Variants in PAPPA observed in about 807,000 individuals in gnomAD.
PAPPA encodes the protein pappalysin 1, also known as pappalysin-1.
A neutral mutation model predicts 164.0 loss-of-function variants in PAPPA; 60 were observed. The ratio of observed to expected loss-of-function variants is 0.37; its 90% CI spans 0.30 to 0.45. The LOEUF (loss-of-function observed/expected upper bound fraction) is 0.45, where lower values mean the gene tolerates loss of function less well. PAPPA is among the 20% of genes least tolerant of loss of function. The probability of loss-of-function intolerance (pLI) is 1.00; values close to 1 mark genes in which losing one functional copy is unlikely to be tolerated. For missense variants in PAPPA, 1,782 were observed against 2,087.3 expected, an observed-to-expected ratio of 0.85 and a Z score of 2.85; for synonymous variants, 875 against 814.1, an observed-to-expected ratio of 1.07 and a Z score of -1.27.
chr9:116,360,355 G>A (rs1344407798), intron 17 of PAPPA, among the ~76,000 whole-genome samples: 1 of 152,194 alleles, frequency 6.6e-6, no homozygotes, highest in Non-Finnish European at 1.5e-5. Context: ...TCTGCAAGCC[G>A]CCTTGCAGCT....
chr9:116,393,206 C>G (rs1846917387), intron 21 of PAPPA, among the ~76,000 whole-genome samples: 1 of 152,180 alleles, frequency 6.6e-6, no homozygotes, highest in South Asian at 2.1e-4. Context: ...TGAAGAAATT[C>G]TATGTTTCAA....
At chr9:116,240,589 T>A (rs552864618) in intron 7 of PAPPA, among the ~76,000 whole-genome samples, 6 of 152,306 alleles carry the variant, frequency 3.9e-5, no homozygotes, top group Admixed American at 3.9e-4. Context: ...TGTAGTAAGC[T>A]TGTACTATGT....
chr9:116,223,900 C>A (rs936196118), intron 5 of PAPPA, among the ~76,000 whole-genome samples: 31 of 152,196 alleles, frequency 2.0e-4, no homozygotes, highest in African/African-American at 6.8e-4. Flanking sequence ...GCTCATCCTG[C>A]CCACGTCACC....
At chr9:116,159,417 C>A (rs1843639329) in intron 1 of PAPPA, among the ~76,000 whole-genome samples, 1 of 152,124 alleles carries the variant, frequency 6.6e-6, no homozygotes, top group Non-Finnish European at 1.5e-5. Flanking sequence ...GCTGGGGAGT[C>A]TCTCTAGAGT....
intron 5 of PAPPA, among the ~76,000 whole-genome samples, chr9:116,221,909 CCA>C (rs983900137): frequency 2.0e-5 from 3 of 152,086 alleles, no homozygotes; most frequent in Admixed American, 2.0e-4. Flanking sequence ...CAAATTAAAA[CCA>C]CAAGAAGGTG....
rs117854617 is a variant in PAPPA, at chr9:116,225,975, C to T, written c.2112-1456C>T. On this transcript the variant is annotated intron_variant, in intron 5 of 21. Transcript: ENST00000328252. ...AGATATTGACTTTGTCCTCAAGGAC[C>T]TCACAATCTATTAGGATAAACTCTC... Among the ~76,000 whole-genome samples, 142 of 151,750 alleles carry T rather than the reference C, an allele frequency of 9.4e-4. 1 individual carries two copies. Among genetic ancestry groups the T allele is most frequent in the Non-Finnish European group, 1.6e-3 (108 of 68,002 alleles).
At chr9:116,172,611 A>G (rs527441167) in intron 1 of PAPPA, among the ~76,000 whole-genome samples, 8 of 152,222 alleles carry the variant, frequency 5.3e-5, no homozygotes, top group African/African-American at 1.9e-4. Context: ...CCTAAAACAC[A>G]TATTTCTCCC....
At chr9:116,366,249 C>A (rs559361015) in intron 18 of PAPPA, among the ~76,000 whole-genome samples, 1 of 152,068 alleles carries the variant, frequency 6.6e-6, no homozygotes, top group Non-Finnish European at 1.5e-5. Context: ...TTTCAGATGA[C>A]CTCAGGATGT....
chr9:116,283,166 A>G (rs1490270232), intron 9 of PAPPA, among the ~76,000 whole-genome samples: 2 of 152,162 alleles, frequency 1.3e-5, no homozygotes, highest in African/African-American at 2.4e-5. Context: ...ATTATTGTCT[A>G]TATTAAGCAC....
chr9:116,333,370 C>T (rs943889685), intron 12 of PAPPA, among the ~76,000 whole-genome samples: 35 of 152,160 alleles, frequency 2.3e-4, no homozygotes, highest in African/African-American at 7.0e-4. Context: ...TTCCTATTGT[C>T]GCTAAGAATT....
intron 10 of PAPPA, among the ~76,000 whole-genome samples, chr9:116,322,972 C>T (rs1006331395): frequency 1.3e-5 from 2 of 152,106 alleles, no homozygotes; most frequent in Admixed American, 1.3e-4. Flanking sequence ...GCTTGATGAG[C>T]ACTTCCTCCC....
At chr9:116,165,719 T>C (rs1843712864) in intron 1 of PAPPA, among the ~76,000 whole-genome samples, 1 of 152,166 alleles carries the variant, frequency 6.6e-6, no homozygotes, top group African/African-American at 2.4e-5. Flanking sequence ...TCTTTAATTA[T>C]CACTTTTTTT....
rs1012508555 is a variant in PAPPA at position 116,396,890 on chromosome 9, A to G, written c.*274A>G. ...CCCAGAGCCTCCTAAAATTCTAGCC[A>G]TTTGTCACACAACCACAGCAAGAAA... On this transcript the variant is annotated 3_prime_UTR_variant, in exon 22 of 22. Transcript: ENST00000328252. The G allele has an allele frequency of 6.5e-6, 3 of 463,632 alleles. No individual in the cohort carries two copies. Among genetic ancestry groups the G allele is most frequent in the African/African-American group, 1.9e-5 (1 of 51,628 alleles). The allele number at this position is 463,632 out of a possible 1,614,324, so 28.7% of individuals were successfully genotyped here.
chr9:116,185,253 G>C (rs1843956417), intron 1 of PAPPA, among the ~76,000 whole-genome samples: 1 of 152,210 alleles, frequency 6.6e-6, no homozygotes, highest in Non-Finnish European at 1.5e-5. Flanking sequence ...CTGATGGTAA[G>C]AGCAGGATGA....
At position 116,377,737 on chromosome 9, in the gene PAPPA, C is replaced by T; in HGVS notation, c.4677+90C>T. On this transcript the variant is annotated intron_variant, in intron 20 of 21. Coordinates refer to ENST00000328252, the MANE Select transcript of PAPPA (RefSeq NM_002581.5). ...TTATATTAATGTTGGCTATCCTTTG[C>T]CATACCTACTGAGTGTTGAAAATAT... The T allele has an allele frequency of 3.2e-6, 3 of 951,296 alleles. No individual in the cohort carries two copies. The Admixed American group carries it at 5.6e-5, about 18-fold the overall frequency. The allele number at this position is 951,296 out of a possible 1,614,324, so 58.9% of individuals were successfully genotyped here.
chr9:116,248,340 G>T (rs1844820963), intron 7 of PAPPA, among the ~76,000 whole-genome samples: 1 of 152,146 alleles, frequency 6.6e-6, no homozygotes, highest in Non-Finnish European at 1.5e-5. Flanking sequence ...TGATCAGGTG[G>T]GTCCCCAACT....
chr9:116,341,706 C>T (rs770872996), intron 13 of PAPPA, among the ~76,000 whole-genome samples: 6 of 152,242 alleles, frequency 3.9e-5, no homozygotes, highest in Non-Finnish European at 8.8e-5. Flanking sequence ...ACTATATTCC[C>T]AATGTATAGA....
chr9:116,284,714 A>T (rs111901673), intron 9 of PAPPA, among the ~76,000 whole-genome samples: 10 of 152,216 alleles, frequency 6.6e-5, no homozygotes, highest in African/African-American at 2.4e-4. Flanking sequence ...GCCAGTAGCC[A>T]ACCAGACATT....
intron 9 of PAPPA, among the ~76,000 whole-genome samples, chr9:116,289,079 G>A (rs139715091): frequency 3.4e-5 from 5 of 145,370 alleles, no homozygotes; most frequent in East Asian, 4.0e-4. Context: ...TCAGAATGAC[G>A]GGCTGCTTGT....
Sources: allele counts gnomAD v4.1 joint callset (sites outside exome capture counted in the v4.1 genomes callset), GRCh38; gene constraint gnomAD v4.1.1; transcripts MANE v1.5; gene names NCBI Gene and HGNC (gene_info 2026-07-23, HGNC 2026-07-21).